DIAPH1: variants seen among roughly 807,000 people sequenced by gnomAD.
DIAPH1 encodes protein diaphanous homolog 1.
In DIAPH1, 46 loss-of-function variants were observed where a neutral mutation model predicts 140.7. The ratio of observed to expected loss-of-function variants is 0.33; its 90% CI spans 0.26 to 0.42. The LOEUF is 0.42. Ranked by LOEUF, DIAPH1 falls within the 10% of genes least tolerant of loss-of-function variation. The pLI is 1.00. For synonymous variants in DIAPH1, 565 were observed against 551.6 expected, an observed-to-expected ratio of 1.02 and a Z score of -0.34; for missense variants, 1,310 against 1,558.7, an observed-to-expected ratio of 0.84 and a Z score of 2.69.
chr5:141,587,022 T>C lies in DIAPH1; in HGVS notation c.300+20A>G, dbSNP rs1477700396. On this transcript the variant is annotated intron_variant, in intron 3 of 27. Transcript: ENST00000389054. ...ATAAATGCACAGGAAGAAGCAACAT[T>C]TTGGGAATGGGAAACTTACCAGCAT... 1.9e-6 allele frequency: 3 copies of C among 1,613,820 alleles called. No homozygotes were observed. Among genetic ancestry groups the C allele is most frequent in the Non-Finnish European group, 2.5e-6 (3 of 1,179,910 alleles).
intron 2 of DIAPH1, chr5:141,587,496 G>C: frequency 2.4e-6 from 1 of 410,016 alleles, no homozygotes; most frequent in Non-Finnish European, 4.5e-6. Context: ...AAGCCTTGTA[G>C]TAGTACGGAA....
chr5:141,561,826 T>C (rs1180055633), intron 18 of DIAPH1: 2 of 152,126 alleles, frequency 1.3e-5, no homozygotes, highest in Admixed American at 6.5e-5. Flanking sequence ...TTCTAATACA[T>C]GGAACAGTTA....
chr5:141,541,858 A>G (rs2099890034), intron 18 of DIAPH1, among the ~76,000 whole-genome samples: 1 of 152,198 alleles, frequency 6.6e-6, no homozygotes, highest in Non-Finnish European at 1.5e-5. Flanking sequence ...ACTGTATGCT[A>G]AAAACCACAA....
At chr5:141,527,513 A>T in intron 24 of DIAPH1, 60 bp downstream of exon 24, 4 of 1,593,014 alleles carry the variant, frequency 2.5e-6, no homozygotes, top group Non-Finnish European at 3.4e-6. Flanking sequence ...TTTTTCCCCC[A>T]CTACAGGAAG....
At chr5:141,589,473 G>A (rs2099898040) in intron 1 of DIAPH1, among the ~76,000 whole-genome samples, 2 of 152,144 alleles carry the variant, frequency 1.3e-5, no homozygotes, top group East Asian at 1.9e-4. Flanking sequence ...TACAAGGAAA[G>A]CAATTTCACA....
chr5:141,609,552 CAG>C (rs1166221132), intron 1 of DIAPH1, among the ~76,000 whole-genome samples: 1 of 152,172 alleles, frequency 6.6e-6, no homozygotes, highest in Non-Finnish European at 1.5e-5. Context: ...GGAATAATAA[CAG>C]TACCTATTTT....
intron 27 of DIAPH1, among the ~76,000 whole-genome samples, chr5:141,522,272 C>A (rs192127727): frequency 4.6e-5 from 7 of 152,312 alleles, no homozygotes; most frequent in African/African-American, 1.7e-4. Context: ...CACCTACTTT[C>A]CAATTTAGTA....
At chr5:141,586,946 G>C in intron 3 of DIAPH1, 96 bp downstream of exon 3, 1 of 1,303,976 alleles carries the variant, frequency 7.7e-7, no homozygotes, top group Non-Finnish European at 1.1e-6. Flanking sequence ...GGAATTCTTT[G>C]TAATAAAGGG....
Position 141,526,427 on chromosome 5 carries a change from T to C in DIAPH1, c.3308A>G (p.Lys1103Arg). Reference sequence around the variant, plus strand: ...CATGTTAGAATGCATCATCCGCAGCTTGTTATACTGTTCCTGTGCATCCTT... The same window carrying C: ...CATGTTAGAATGCATCATCCGCAGCCTGTTATACTGTTCCTGTGCATCCTT... Reference protein sequence around the residue: ...FVKDAQEQYNKLRMMHSNMET... With the variant: ...FVKDAQEQYNRLRMMHSNMET... Residue 1103 changes from lysine (K) to arginine (R), a missense_variant, in exon 25 of 28, where the codon AAG (lysine) becomes AGG (arginine). Lys to Arg is a conservative substitution (Grantham distance 26). Transcript: ENST00000389054. 10 of 1,614,150 alleles carry C rather than the reference T, an allele frequency of 6.2e-6. No homozygotes were observed. Among genetic ancestry groups the C allele is most frequent in the Non-Finnish European group, 8.5e-6 (10 of 1,180,026 alleles).
At chr5:141,533,979 T>C (rs1359538294) in intron 19 of DIAPH1, among the ~76,000 whole-genome samples, 1 of 141,210 alleles carries the variant, frequency 7.1e-6, no homozygotes, top group Non-Finnish European at 1.5e-5. Context: ...GGCAGTGAGC[T>C]GTGATCGCAT....
At chr5:141,610,359 G>A (rs932807325) in intron 1 of DIAPH1, among the ~76,000 whole-genome samples, 1 of 150,312 alleles carries the variant, frequency 6.7e-6, no homozygotes, top group African/African-American at 2.5e-5. Context: ...GGAGTGCAGT[G>A]GCACAACCTC....
In DIAPH1 at chr5:141,548,239, ATCT is replaced by A. The variant is rs2099891122; in HGVS notation, c.2483-13809_2483-13807del. ...AAAATAGCAGGGGGTGGAACATATT[ATCT>A]TCAAATGAAAAACAATAAGACTGAC... On this transcript the variant is annotated intron_variant, in intron 18 of 27. Coordinates refer to ENST00000389054, the MANE Select transcript of DIAPH1 (RefSeq NM_005219.5). 4.0e-5 allele frequency among the ~76,000 whole-genome samples: 6 copies of A among 151,678 alleles called. No homozygotes were observed. In the South Asian group the frequency reaches 1.2e-3, roughly 32 times the overall value.
At chr5:141,521,801 G>T (rs1233660982) in intron 27 of DIAPH1, among the ~76,000 whole-genome samples, 2 of 152,152 alleles carry the variant, frequency 1.3e-5, no homozygotes, top group African/African-American at 2.4e-5. Flanking sequence ...TGGAGCCTTT[G>T]TATTTTGAGA....
In DIAPH1 at chr5:141,529,423, G is replaced by A; in HGVS notation, c.2677-150C>T. ...GGAGAAGAGAGGCAGCTACTGAGAT[G>A]GGGGTACTTTTGCAAAATATACCAG... On this transcript the variant is annotated intron_variant, in intron 20 of 27. Transcript: ENST00000389054. 6.7e-6 allele frequency: 6 copies of A among 895,464 alleles called. 1 individual carries two copies. The South Asian group carries it at 6.9e-5, about 10-fold the overall frequency. 55.5% of individuals were successfully genotyped at this position (895,464 alleles called of 1,614,324 possible). A position where few individuals can be genotyped will look rare whatever the true frequency, so the allele number is the denominator to read the frequency against.
At chr5:141,548,076 G>C (rs1419572462) in intron 18 of DIAPH1, among the ~76,000 whole-genome samples, 1 of 152,010 alleles carries the variant, frequency 6.6e-6, no homozygotes, top group African/African-American at 2.4e-5. Context: ...GTGCACGCTT[G>C]TAGTCCTAGC....
intron 23 of DIAPH1, 150 bp downstream of exon 23, chr5:141,528,303 T>C (rs2099887698): frequency 4.7e-6 from 5 of 1,072,086 alleles, no homozygotes; most frequent in Non-Finnish European, 7.0e-6. Flanking sequence ...CCATACGCTC[T>C]GCCCTTGTGA....
chr5:141,601,276 G>GA (rs1172963368), intron 1 of DIAPH1, among the ~76,000 whole-genome samples: 156 of 129,868 alleles, frequency 1.2e-3, no homozygotes, highest in Admixed American at 2.1e-3. Flanking sequence ...CTTAGACACA[G>GA]AAAAAAAAAA....
intron 27 of DIAPH1, among the ~76,000 whole-genome samples, chr5:141,523,274 C>T (rs187288979): frequency 7.2e-5 from 11 of 152,274 alleles, no homozygotes; most frequent in Non-Finnish European, 1.2e-4. Flanking sequence ...TTGTAATTCC[C>T]ACTCTTCAAA....
chr5:141,537,481 C>T (rs1477273620), intron 18 of DIAPH1, among the ~76,000 whole-genome samples: 31 of 42,124 alleles, frequency 7.4e-4, no homozygotes, highest in African/African-American at 2.4e-3. Flanking sequence ...AAAACTCCGT[C>T]TCAAAAAAAA....
Sources: allele counts gnomAD v4.1 joint callset (sites outside exome capture counted in the v4.1 genomes callset), GRCh38; gene constraint gnomAD v4.1.1; transcripts MANE v1.5; gene names NCBI Gene and HGNC (gene_info 2026-07-23, HGNC 2026-07-21).